Variants in WDSUB1 observed in about 807,000 individuals in gnomAD.
WDSUB1 encodes WD repeat, sterile alpha motif and U-box domain containing 1, also known as WD repeat, SAM and U-box domain-containing protein 1.
In WDSUB1, 49 loss-of-function variants were observed where a neutral mutation model predicts 53.9. That is an observed-to-expected ratio of 0.91 (90% CI 0.72 to 1.15). The LOEUF (loss-of-function observed/expected upper bound fraction) is 1.15, where lower values mean the gene tolerates loss of function less well. Ranked by LOEUF, WDSUB1 falls within the 50% of genes most tolerant of loss-of-function variation. WDSUB1 has a pLI of 0.00. For synonymous variants in WDSUB1, 194 were observed against 200.6 expected (o/e 0.97, Z 0.28); for missense variants, 514 against 562.0 (o/e 0.91, Z 0.86).
chr2:159,275,555 G>T lies in WDSUB1; in HGVS notation c.667C>A (p.His223Asn). 6.3e-7 allele frequency: 1 copy of T among 1,599,818 alleles called. No homozygotes were observed. The highest frequency in any genetic ancestry group is 1.1e-5 in the South Asian group (1 of 87,370). ...TATTTGGCATACATACCTAAGATAT[G>T]GGTAAAAGAAACAATCCAAATTTTG... ...QVKIWIVSFT[H>N]ILGFELKYKS... The change falls in exon 4 of 11, where the codon CAT becomes AAT. Residue 223 changes from histidine to asparagine, a missense_variant. Physicochemically the swap from His to Asn is moderately conservative, Grantham distance 68. Coordinates refer to ENST00000359774, the MANE Select transcript of WDSUB1 (RefSeq NM_001128212.3).
At chr2:159,272,015 A>ACTC (rs2061453027) in intron 4 of WDSUB1, among the ~76,000 whole-genome samples, 1 of 152,226 alleles carries the variant, frequency 6.6e-6, no homozygotes, top group African/African-American at 2.4e-5. Context: ...TCAAATTTTT[A>ACTC]AAGAATTGAA....
intron 1 of WDSUB1, among the ~76,000 whole-genome samples, chr2:159,283,877 T>C (rs1007082131): frequency 2.0e-5 from 3 of 152,176 alleles, no homozygotes; most frequent in Admixed American, 6.5e-5. Flanking sequence ...TGCAGTGGCA[T>C]GTTCTCAGGT....
chr2:159,247,888 TATATATATATATATATATATAA>T (rs1419819274), intron 10 of WDSUB1, among the ~76,000 whole-genome samples: 1 of 39,052 alleles, frequency 2.6e-5, no homozygotes, highest in East Asian at 4.4e-4. Context: ...ATTAAATAAA[TATATATATATATATATATATAA>T]ATATATATAT....
intron 4 of WDSUB1, among the ~76,000 whole-genome samples, chr2:159,274,692 T>C (rs1205131840): frequency 6.6e-6 from 1 of 152,064 alleles, no homozygotes; most frequent in Non-Finnish European, 1.5e-5. Context: ...CACCTCCTCA[T>C]CCTAGAGGGA....
chr2:159,271,844 T>A, intron 4 of WDSUB1, 49 bp from the exon 5 acceptor site: 1 of 1,480,928 alleles, frequency 6.8e-7, no homozygotes, highest in Non-Finnish European at 9.4e-7. Context: ...ATGCTTAGAA[T>A]TGATTTTTAA....
At chr2:159,245,910 A>C (rs542862633) in intron 10 of WDSUB1, among the ~76,000 whole-genome samples, 1 of 149,590 alleles carries the variant, frequency 6.7e-6, no homozygotes, top group African/African-American at 2.5e-5. Flanking sequence ...TCTATAAGAG[A>C]CATCATTATG....
rs746708265 is a variant in WDSUB1, at chr2:159,248,507, GAGATTCTGAA to G, written c.1133-5_1137del. 1 of 1,509,302 alleles carries G rather than the reference GAGATTCTGAA, an allele frequency of 6.6e-7. No homozygotes were observed. Among genetic ancestry groups the G allele is most frequent in the East Asian group, 2.5e-5 (1 of 40,354 alleles). 93.5% of individuals were successfully genotyped at this position (1,509,302 alleles called of 1,614,324 possible). On this transcript the variant is annotated splice_acceptor_variant and splice_polypyrimidine_tract_variant and coding_sequence_variant and intron_variant, in exon 10 of 11. Coordinates refer to ENST00000359774, the MANE Select transcript of WDSUB1 (RefSeq NM_001128212.3). LOFTEE classifies it high-confidence loss of function. ...CTCAGCACTTTACTACGCAGTCCTA[GAGATTCTGAA>G]AAGAAATTACTGTTAGGGCTGGATA... is the stretch of plus-strand genomic sequence containing the variant.
intron 9 of WDSUB1, among the ~76,000 whole-genome samples, chr2:159,250,370 T>G (rs1182320438): frequency 6.6e-6 from 1 of 152,196 alleles, no homozygotes; most frequent in Non-Finnish European, 1.5e-5. Flanking sequence ...TGAATATGAT[T>G]TTGCAAAAAT....
At chr2:159,268,974 A>C (rs2061396704) in intron 5 of WDSUB1, among the ~76,000 whole-genome samples, 1 of 152,158 alleles carries the variant, frequency 6.6e-6, no homozygotes, top group Admixed American at 6.5e-5. Flanking sequence ...GAAGCATAGG[A>C]AACAGGAAAA....
chr2:159,247,822 A>C (rs1400845299), intron 10 of WDSUB1, among the ~76,000 whole-genome samples: 1 of 144,188 alleles, frequency 6.9e-6, no homozygotes, highest in Non-Finnish European at 1.5e-5. Flanking sequence ...ACTCCAGACA[A>C]AGTCAACATA....
chr2:159,263,763 T>C (rs1033371082), intron 5 of WDSUB1, among the ~76,000 whole-genome samples: 1 of 152,226 alleles, frequency 6.6e-6, no homozygotes, highest in African/African-American at 2.4e-5. Context: ...AGCTAATGGC[T>C]AATAGCTCAA....
chr2:159,281,554 A>T (rs2061663640), intron 2 of WDSUB1, among the ~76,000 whole-genome samples: 1 of 152,244 alleles, frequency 6.6e-6, no homozygotes. Flanking sequence ...TTAAGAAATG[A>T]TAACACATCA....
At chr2:159,285,390 A>T (rs2061769538) in intron 1 of WDSUB1, among the ~76,000 whole-genome samples, 1 of 143,954 alleles carries the variant, frequency 6.9e-6, no homozygotes, top group African/African-American at 2.7e-5. Context: ...TCCTAGTCTT[A>T]TTTACGGAAA....
chr2:159,245,824 T>C (rs1439570421), intron 10 of WDSUB1, among the ~76,000 whole-genome samples: 1 of 152,146 alleles, frequency 6.6e-6, no homozygotes, highest in East Asian at 1.9e-4. Flanking sequence ...CTCTGAAACC[T>C]TGGGGTAGAC....
chr2:159,283,731 T>TC (rs991335427), intron 1 of WDSUB1, among the ~76,000 whole-genome samples: 2 of 152,060 alleles, frequency 1.3e-5, no homozygotes, highest in African/African-American at 2.4e-5. Flanking sequence ...ACTCATGCCC[T>TC]CACCTCCTGC....
Position 159,282,983 on chromosome 2 carries a change from G to A in WDSUB1, c.87C>T (p.Ser29=), listed in dbSNP as rs1006342754. The change falls in exon 2 of 11, where the codon TCC becomes TCT. Residue 29 remains serine, a synonymous_variant. Transcript: ENST00000359774. The stretch of plus-strand genomic sequence containing the variant: ...AGTACAGGCGAATTGTTTTGTCCAA[G>A]GAGCAAGTAGCCAAGAGGGAAAAGG... The part of the protein sequence containing the change: ...AFSFSLLATC[S]LDKTIRLYSL... 1.2e-6 allele frequency: 2 copies of A among 1,614,202 alleles called. No homozygotes were observed. The highest frequency in any genetic ancestry group is 1.7e-6 in the Non-Finnish European group (2 of 1,180,034).
At chr2:159,284,849 C>T (rs2151164744) in intron 1 of WDSUB1, among the ~76,000 whole-genome samples, 2 of 152,328 alleles carry the variant, frequency 1.3e-5, no homozygotes, top group South Asian at 2.1e-4. Context: ...TTTCCAGCCT[C>T]CTTGGCCTAA....
At chr2:159,280,012 C>T (rs1326850191) in intron 2 of WDSUB1, 67 bp from the exon 3 acceptor site, 2 of 1,414,876 alleles carry the variant, frequency 1.4e-6, no homozygotes, top group Non-Finnish European at 1.9e-6. Context: ...CAGTCTCTAA[C>T]AGCAGCTTGA....
At chr2:159,244,769 A>C (rs543965320) in intron 10 of WDSUB1, among the ~76,000 whole-genome samples, 1 of 152,086 alleles carries the variant, frequency 6.6e-6, no homozygotes, top group Non-Finnish European at 1.5e-5. Flanking sequence ...CAAAAATAAA[A>C]ATTTTTACAA....
Sources: allele counts gnomAD v4.1 joint callset (sites outside exome capture counted in the v4.1 genomes callset), GRCh38; gene constraint gnomAD v4.1.1; transcripts MANE v1.5; gene names NCBI Gene and HGNC (gene_info 2026-07-23, HGNC 2026-07-21).